Variants in CADPS observed in about 807,000 individuals in gnomAD.
CADPS encodes calcium dependent secretion activator.
CADPS carries 57 observed loss-of-function variants against 167.3 expected under a neutral mutation model. The observed-to-expected ratio is 0.34, with a 90% CI of 0.28 to 0.42. The LOEUF is 0.42. Among genes scored for constraint, CADPS ranks in the 20% least tolerant of loss-of-function variants. The pLI is 1.00. For synonymous variants in CADPS, 676 were observed against 635.3 expected (o/e 1.06, Z -0.96); for missense variants, 1,414 against 1,738.1 (o/e 0.81, Z 3.32).
intron 13 of CADPS, among the ~76,000 whole-genome samples, chr3:62,529,197 T>C (rs1376591854): frequency 6.6e-6 from 1 of 152,082 alleles, no homozygotes; most frequent in South Asian, 2.1e-4. Context: ...TTGTAAACTG[T>C]AGAATGTTAC....
At chr3:62,400,963 C>T (rs181186784) in intron 29 of CADPS, among the ~76,000 whole-genome samples, 137 of 152,282 alleles carry the variant, frequency 9.0e-4, no homozygotes, top group Middle Eastern at 6.8e-3. Flanking sequence ...ATGTCAACCC[C>T]TCTTGAAGGT....
intron 2 of CADPS, among the ~76,000 whole-genome samples, chr3:62,760,219 C>A (rs974466530): frequency 6.6e-6 from 1 of 151,840 alleles, no homozygotes; most frequent in Non-Finnish European, 1.5e-5. Context: ...TATATTCTAA[C>A]CTTAATATAT....
chr3:62,548,881 A>G lies in CADPS; in HGVS notation c.1966+1022T>C, dbSNP rs2076902532. On this transcript the variant is annotated intron_variant, in intron 11 of 29. Transcript: ENST00000383710. ...CAGTCACCACTAAATGACATTCTTC[A>G]TGGTATTTACCAGTGTCTGAAGCTC... Among the ~76,000 whole-genome samples the G allele has an allele frequency of 2.6e-5, 4 of 152,198 alleles. No individual in the cohort carries two copies. In the South Asian group the frequency reaches 8.3e-4, roughly 32 times the overall value.
intron 1 of CADPS, among the ~76,000 whole-genome samples, chr3:62,854,649 C>T (rs73844653): frequency 0.047 from 7,082 of 152,224 alleles, 188 homozygotes; most frequent in East Asian, 0.091. Flanking sequence ...ATGTTATCTT[C>T]TGGTTGGCTG....
At chr3:62,510,983 G>A (rs1283061151) in intron 17 of CADPS, among the ~76,000 whole-genome samples, 1 of 152,134 alleles carries the variant, frequency 6.6e-6, no homozygotes, top group Non-Finnish European at 1.5e-5. Flanking sequence ...TTTAAGTCCA[G>A]TTCTACCCTA....
At chr3:62,853,151 A>C (rs1260017562) in intron 1 of CADPS, among the ~76,000 whole-genome samples, 1 of 152,218 alleles carries the variant, frequency 6.6e-6, no homozygotes, top group Admixed American at 6.5e-5. Flanking sequence ...AGGAAATGTC[A>C]CTGTGATCAA....
intron 6 of CADPS, among the ~76,000 whole-genome samples, chr3:62,635,358 C>T (rs1369024603): frequency 1.3e-5 from 2 of 152,140 alleles, no homozygotes; most frequent in African/African-American, 4.8e-5. Flanking sequence ...TGTACTACTG[C>T]ATGTATAAAG....
At position 62,759,865 on chromosome 3, in the gene CADPS, A is replaced by G. The variant is rs11926613; in HGVS notation, c.555+6006T>C. ...TTTGAAACACATCTTTTCTACCTGG[A>G]AAAATACAAATTTTACCTTCTTTGA... is the stretch of plus-strand genomic sequence containing the variant. On this transcript the variant is annotated intron_variant, in intron 2 of 29. Transcript: ENST00000383710. Among the ~76,000 whole-genome samples the G allele has an allele frequency of 7.8e-3, 1,184 of 152,236 alleles. 16 individuals are homozygous for G. Among genetic ancestry groups the G allele is most frequent in the African/African-American group, 0.026 (1,072 of 41,526 alleles).
chr3:62,655,333 T>C (rs2071279416), intron 4 of CADPS, among the ~76,000 whole-genome samples: 1 of 152,180 alleles, frequency 6.6e-6, no homozygotes, highest in African/African-American at 2.4e-5. Flanking sequence ...TGCTACTTTT[T>C]CAAGCACAAA....
chr3:62,727,406 AG>A (rs2076944242), intron 3 of CADPS, among the ~76,000 whole-genome samples: 1 of 151,946 alleles, frequency 6.6e-6, no homozygotes, highest in Non-Finnish European at 1.5e-5. Context: ...CTAATTTGTA[AG>A]AACAGGTTTA....
intron 1 of CADPS, among the ~76,000 whole-genome samples, chr3:62,772,368 C>T (rs2089108566): frequency 1.3e-5 from 2 of 152,168 alleles, no homozygotes; most frequent in Admixed American, 1.3e-4. Flanking sequence ...CAGAAAACTA[C>T]TGGGGGCATC....
At chr3:62,555,623 C>A (rs1018565756) in intron 10 of CADPS, among the ~76,000 whole-genome samples, 6 of 152,210 alleles carry the variant, frequency 3.9e-5, no homozygotes, top group African/African-American at 1.4e-4. Flanking sequence ...AATACAATCA[C>A]ATGGGGGGAA....
chr3:62,464,338 T>C (rs1292868304), intron 26 of CADPS, among the ~76,000 whole-genome samples: 1 of 152,198 alleles, frequency 6.6e-6, no homozygotes, highest in Non-Finnish European at 1.5e-5. Flanking sequence ...TGTCTTGGCA[T>C]TCAGTCACTA....
chr3:62,453,743 AAC>A (rs769889738), intron 26 of CADPS, among the ~76,000 whole-genome samples: 4 of 152,154 alleles, frequency 2.6e-5, no homozygotes, highest in Non-Finnish European at 4.4e-5. Context: ...ACTGGAGAAA[AAC>A]ACAACCCTTA....
At chr3:62,551,422 G>C (rs2077303365) in intron 10 of CADPS, among the ~76,000 whole-genome samples, 1 of 152,130 alleles carries the variant, frequency 6.6e-6, no homozygotes, top group African/African-American at 2.4e-5. Flanking sequence ...ATGTAGCCAG[G>C]ATCATCCCTG....
At chr3:62,620,057 A>G (rs1473803043) in intron 6 of CADPS, among the ~76,000 whole-genome samples, 1 of 151,850 alleles carries the variant, frequency 6.6e-6, no homozygotes, top group Non-Finnish European at 1.5e-5. Flanking sequence ...GACATTCATT[A>G]TTTATTGGGT....
At chr3:62,487,465 G>C (rs747467959) in intron 21 of CADPS, among the ~76,000 whole-genome samples, 6 of 152,216 alleles carry the variant, frequency 3.9e-5, no homozygotes, top group Non-Finnish European at 8.8e-5. Flanking sequence ...AAACCCATGA[G>C]AGGGCCATGG....
Position 62,488,345 on chromosome 3 carries a change from C to G in CADPS, c.3026+2994G>C, listed in dbSNP as rs887193049. ...CTCCTCTTAGCACATAACATGTCTC[C>G]AAGCTCTTTTTTACACTCCATTTTA... On this transcript the variant is annotated intron_variant, in intron 21 of 29. Coordinates refer to ENST00000383710, the MANE Select transcript of CADPS (RefSeq NM_003716.4). 3.9e-5 allele frequency among the ~76,000 whole-genome samples: 6 copies of G among 152,288 alleles called. No individual in the cohort carries two copies. The South Asian group carries it at 1.2e-3, about 32-fold the overall frequency.
intron 3 of CADPS, among the ~76,000 whole-genome samples, chr3:62,692,564 T>C (rs1407667427): frequency 6.6e-6 from 1 of 152,058 alleles, no homozygotes; most frequent in African/African-American, 2.4e-5. Flanking sequence ...TCCATAAACC[T>C]ACATCTCACT....
Sources: allele counts gnomAD v4.1 joint callset (sites outside exome capture counted in the v4.1 genomes callset), GRCh38; gene constraint gnomAD v4.1.1; transcripts MANE v1.5; gene names NCBI Gene and HGNC (gene_info 2026-07-23, HGNC 2026-07-21).